Variants in GNG2 observed in about 807,000 individuals in gnomAD.
GNG2 encodes guanine nucleotide-binding protein G(I)/G(S)/G(O) subunit gamma-2.
A neutral mutation model predicts 5.5 loss-of-function variants in GNG2; 5 were observed. The ratio of observed to expected loss-of-function variants is 0.91; its 90% CI spans 0.48 to 1.92. GNG2 has a LOEUF of 1.92. Ranked by LOEUF, GNG2 falls within the 30% of genes most tolerant of loss-of-function variation. The probability of loss-of-function intolerance (pLI) is 0.01; values close to 1 mark genes in which losing one functional copy is unlikely to be tolerated. For missense variants in GNG2, 55 were observed against 88.4 expected, an observed-to-expected ratio of 0.62 and a Z score of 1.52; for synonymous variants, 28 against 32.0, an observed-to-expected ratio of 0.88 and a Z score of 0.42.
intron 2 of GNG2, among the ~76,000 whole-genome samples, chr14:51,942,571 C>CTTTT (rs142157409): frequency 0.32 from 17,912 of 55,394 alleles, 4,451 homozygotes; most frequent in Non-Finnish European, 0.4. Context: ...TTTATTTTTT[C>CTTTT]TCTTTCTTTC....
At chr14:51,908,795 G>C (rs1226690612) in intron 2 of GNG2, among the ~76,000 whole-genome samples, 15 of 143,828 alleles carry the variant, frequency 1.0e-4, no homozygotes, top group Admixed American at 6.6e-4. Flanking sequence ...GGCCAGGCTG[G>C]CCTCGAACTC....
At chr14:51,963,748 A>G (rs1889745163) in intron 3 of GNG2, among the ~76,000 whole-genome samples, 1 of 152,244 alleles carries the variant, frequency 6.6e-6, no homozygotes, top group Non-Finnish European at 1.5e-5. Flanking sequence ...AACAACTTAT[A>G]TAATCTGCTG....
intron 3 of GNG2, among the ~76,000 whole-genome samples, chr14:51,952,415 A>T (rs12431532): frequency 0.033 from 4,976 of 152,230 alleles, 193 homozygotes; most frequent in East Asian, 0.14. Context: ...AAAAAGCACA[A>T]AGCAACAGGT....
intron 2 of GNG2, among the ~76,000 whole-genome samples, chr14:51,928,096 T>TG (rs1887440668): frequency 6.9e-6 from 1 of 145,864 alleles, no homozygotes; most frequent in African/African-American, 2.6e-5. Context: ...AGTGGCAAGA[T>TG]CGTGGCTCAC....
At chr14:51,883,937 A>G (rs1281865377) in intron 2 of GNG2, among the ~76,000 whole-genome samples, 26 of 152,166 alleles carry the variant, frequency 1.7e-4, no homozygotes, top group Admixed American at 1.7e-3. Flanking sequence ...CATGCAGAAA[A>G]AAACAATATA....
intron 3 of GNG2, 103 bp from the exon 4 acceptor site, chr14:51,966,456 T>G (rs1339415244): frequency 1.5e-5 from 15 of 997,350 alleles, no homozygotes; most frequent in Non-Finnish European, 2.0e-5. Context: ...GTATCTTGCT[T>G]CATGGAGCAA....
At chr14:51,929,496 G>T (rs145953678) in intron 2 of GNG2, among the ~76,000 whole-genome samples, 117 of 152,248 alleles carry the variant, frequency 7.7e-4, no homozygotes, top group South Asian at 2.9e-3. Context: ...GCTCCAGCAG[G>T]ATTTGCTCCT....
intron 3 of GNG2, among the ~76,000 whole-genome samples, chr14:51,963,819 G>A (rs559117256): frequency 6.6e-6 from 1 of 152,248 alleles, no homozygotes; most frequent in African/African-American, 2.4e-5. Flanking sequence ...TTACTGTGAA[G>A]ATCAAAAGAG....
intron 2 of GNG2, among the ~76,000 whole-genome samples, chr14:51,908,527 GATCTATCTATCT>G (rs10624821): frequency 0.098 from 14,634 of 149,592 alleles, 1,247 homozygotes; most frequent in African/African-American, 0.23. Context: ...ATATTTTAAA[GATCTATCTATCT>G]ATCTATCTAT....
chr14:51,913,506 CCT>C (rs1315940541), intron 2 of GNG2, among the ~76,000 whole-genome samples: 1 of 151,910 alleles, frequency 6.6e-6, no homozygotes, highest in Non-Finnish European at 1.5e-5. Flanking sequence ...AGAGTGAGAC[CCT>C]GTCTCTAAAA....
chr14:51,897,480 A>G (rs1255434269), intron 2 of GNG2, among the ~76,000 whole-genome samples: 1 of 152,216 alleles, frequency 6.6e-6, no homozygotes, highest in Non-Finnish European at 1.5e-5. Flanking sequence ...AAGAAGTGTC[A>G]CTTGGTAGGC....
At chr14:51,960,352 CAT>C (rs1304078722) in intron 3 of GNG2, among the ~76,000 whole-genome samples, 3 of 149,532 alleles carry the variant, frequency 2.0e-5, no homozygotes, top group East Asian at 2.0e-4. Context: ...TTATATCTTC[CAT>C]ATGTCTTTTT....
intron 1 of GNG2, among the ~76,000 whole-genome samples, chr14:51,868,142 T>C (rs74049474): frequency 4.8e-4 from 73 of 152,338 alleles, no homozygotes; most frequent in African/African-American, 1.6e-3. Flanking sequence ...TTAATCGATG[T>C]GTTCAAAGTC....
chr14:51,852,592 A>G (rs1187535347), intron 2 of GNG2, among the ~76,000 whole-genome samples: 1 of 152,262 alleles, frequency 6.6e-6, no homozygotes, highest in African/African-American at 2.4e-5. Flanking sequence ...ATAAAACTGC[A>G]CAAAAATAGT....
intron 2 of GNG2, among the ~76,000 whole-genome samples, chr14:51,897,262 G>A (rs1054921569): frequency 4.6e-5 from 7 of 152,190 alleles, no homozygotes; most frequent in Admixed American, 2.6e-4. Flanking sequence ...GGCTGAATAC[G>A]GTAGAGTCAA....
chr14:51,900,437 G>A (rs1885474472), intron 2 of GNG2, among the ~76,000 whole-genome samples: 1 of 151,810 alleles, frequency 6.6e-6, no homozygotes, highest in African/African-American at 2.4e-5. Context: ...AAGAAGAAAT[G>A]TGGAAATGAG....
At chr14:51,929,986 C>A (rs541864729) in intron 2 of GNG2, among the ~76,000 whole-genome samples, 4 of 152,174 alleles carry the variant, frequency 2.6e-5, no homozygotes, top group African/African-American at 9.6e-5. Flanking sequence ...AAACATCTAT[C>A]TCTAGAAATT....
At chr14:51,830,386 A>G (rs950126284) in intron 2 of GNG2, among the ~76,000 whole-genome samples, 2 of 152,096 alleles carry the variant, frequency 1.3e-5, no homozygotes, top group African/African-American at 4.8e-5. Flanking sequence ...AACTCCCAAG[A>G]TTATATTTCT....
At chr14:51,907,071 C>T (rs1412332225) in intron 2 of GNG2, among the ~76,000 whole-genome samples, 2 of 152,144 alleles carry the variant, frequency 1.3e-5, no homozygotes, top group African/African-American at 4.8e-5. Context: ...GAATCTTTTA[C>T]AGGGACTCCG....
Sources: gnomAD v4.1 joint callset for allele counts (sites outside exome capture counted in the v4.1 genomes callset) on GRCh38, gnomAD v4.1.1 for gene constraint, MANE v1.5 for transcripts, NCBI Gene and HGNC (gene_info 2026-07-23, HGNC 2026-07-21) for gene names.